The following CNTNAP2 variants were observed in gnomAD, a reference collection of about 807,000 sequenced individuals.
CNTNAP2 encodes the protein contactin associated protein 2, also known as contactin-associated protein-like 2.
A neutral mutation model predicts 155.2 loss-of-function variants in CNTNAP2; 98 were observed. The ratio of observed to expected loss-of-function variants is 0.63; its 90% CI spans 0.54 to 0.75. CNTNAP2 has a LOEUF of 0.75. Among genes scored for constraint, CNTNAP2 ranks in the 30% least tolerant of loss-of-function variants. The pLI is 0.00. For missense variants in CNTNAP2, 1,727 were observed against 1,688.1 expected (o/e 1.02, Z -0.40); for synonymous variants, 651 against 631.2 (o/e 1.03, Z -0.47).
At chr7:146,531,537 T>G (rs1008768092) in intron 1 of CNTNAP2, among the ~76,000 whole-genome samples, 16 of 152,082 alleles carry the variant, frequency 1.1e-4, no homozygotes, top group African/African-American at 3.1e-4. Context: ...ATGCTAATAA[T>G]TTATAGCTTT....
chr7:147,561,267 G>A (rs1800059852), intron 11 of CNTNAP2, among the ~76,000 whole-genome samples: 1 of 152,138 alleles, frequency 6.6e-6, no homozygotes, highest in Non-Finnish European at 1.5e-5. Flanking sequence ...CACTGCTTTT[G>A]TATCAGGTTG....
chr7:148,182,545 A>G (rs779695926), intron 18 of CNTNAP2, among the ~76,000 whole-genome samples: 1 of 152,178 alleles, frequency 6.6e-6, no homozygotes, highest in African/African-American at 2.4e-5. Context: ...GCTACAGGAA[A>G]TTTACTTTCT....
At chr7:148,082,471 C>A (rs116840574) in intron 15 of CNTNAP2, among the ~76,000 whole-genome samples, 1,795 of 151,994 alleles carry the variant, frequency 0.012, 36 homozygotes, top group African/African-American at 0.04. Flanking sequence ...GCATATGAGG[C>A]GAGGCTAGGG....
intron 1 of CNTNAP2, among the ~76,000 whole-genome samples, chr7:146,194,721 A>G (rs1167950545): frequency 1.3e-5 from 2 of 152,240 alleles, no homozygotes; most frequent in African/African-American, 4.8e-5. Flanking sequence ...AAGTTATTTT[A>G]TGCTGCTAAA....
chr7:147,082,026 ATG>A (rs1800142999), intron 4 of CNTNAP2: 3 of 152,128 alleles, frequency 2.0e-5, no homozygotes, highest in Non-Finnish European at 4.4e-5. Flanking sequence ...GCAGTTTAGA[ATG>A]GTCCTTGATC....
At chr7:146,247,868 G>A (rs2116938314) in intron 1 of CNTNAP2, among the ~76,000 whole-genome samples, 1 of 152,254 alleles carries the variant, frequency 6.6e-6, no homozygotes, top group East Asian at 1.9e-4. Flanking sequence ...CCAGAGAAAA[G>A]AGTAGAGACA....
At chr7:146,180,833 G>T (rs1339395001) in intron 1 of CNTNAP2, among the ~76,000 whole-genome samples, 2 of 152,256 alleles carry the variant, frequency 1.3e-5, no homozygotes, top group African/African-American at 2.4e-5. Context: ...TATCACCAAG[G>T]TCAGTAACCA....
intron 9 of CNTNAP2, among the ~76,000 whole-genome samples, chr7:147,367,543 T>C (rs1796255547): frequency 6.6e-6 from 1 of 152,074 alleles, no homozygotes; most frequent in Admixed American, 6.5e-5. Flanking sequence ...CATAATAATA[T>C]TAAATAACAG....
At chr7:147,854,181 A>G (rs967542746) in intron 13 of CNTNAP2, among the ~76,000 whole-genome samples, 1 of 152,144 alleles carries the variant, frequency 6.6e-6, no homozygotes, top group African/African-American at 2.4e-5. Flanking sequence ...CCTCTTTCTG[A>G]GGGAAAGTTG....
At chr7:146,183,488 G>T (rs373957316) in intron 1 of CNTNAP2, among the ~76,000 whole-genome samples, 11 of 151,882 alleles carry the variant, frequency 7.2e-5, no homozygotes, top group African/African-American at 2.7e-4. Flanking sequence ...GATGAAAACT[G>T]GTACCCTCAG....
chr7:147,676,192 G>C (rs1172175173), intron 13 of CNTNAP2, among the ~76,000 whole-genome samples: 1 of 151,866 alleles, frequency 6.6e-6, no homozygotes, highest in Non-Finnish European at 1.5e-5. Flanking sequence ...GACATACGAT[G>C]ACTAATTTTG....
chr7:147,347,094 G>A (rs1795876173), intron 9 of CNTNAP2, among the ~76,000 whole-genome samples: 1 of 151,950 alleles, frequency 6.6e-6, no homozygotes, highest in African/African-American at 2.4e-5. Flanking sequence ...AAGGCACTAG[G>A]GTAAAATTAT....
At chr7:146,133,867 T>C (rs1797756119) in intron 1 of CNTNAP2, among the ~76,000 whole-genome samples, 1 of 152,154 alleles carries the variant, frequency 6.6e-6, no homozygotes, top group Non-Finnish European at 1.5e-5. Context: ...AGCTTTGTTC[T>C]GTTGGCTTAG....
chr7:148,381,926 AC>A, intron 21 of CNTNAP2, among the ~76,000 whole-genome samples: 2 of 152,300 alleles, frequency 1.3e-5, no homozygotes, highest in Middle Eastern at 6.8e-3. Context: ...AGGCACATCA[AC>A]TAGATGTGGA....
intron 1 of CNTNAP2, among the ~76,000 whole-genome samples, chr7:146,184,183 C>T (rs1798590534): frequency 6.6e-6 from 1 of 152,148 alleles, no homozygotes; most frequent in Non-Finnish European, 1.5e-5. Context: ...AACTTAGGTG[C>T]TGTACTGAAC....
At chr7:146,574,213 CA>C (rs1240601255) in intron 1 of CNTNAP2, among the ~76,000 whole-genome samples, 2 of 151,960 alleles carry the variant, frequency 1.3e-5, no homozygotes, top group Non-Finnish European at 2.9e-5. Context: ...CAAAACAAAA[CA>C]AAACAAAAAT....
At chr7:146,356,261 A>G (rs1794996513) in intron 1 of CNTNAP2, among the ~76,000 whole-genome samples, 1 of 152,194 alleles carries the variant, frequency 6.6e-6, no homozygotes, top group South Asian at 2.1e-4. Flanking sequence ...AATTCTAACA[A>G]TCTTTGCATT....
intron 4 of CNTNAP2, among the ~76,000 whole-genome samples, chr7:147,089,901 C>T (rs753185208): frequency 6.6e-6 from 1 of 152,162 alleles, no homozygotes; most frequent in Non-Finnish European, 1.5e-5. Flanking sequence ...GGGGGCAGTG[C>T]CAGAAGCCTC....
chr7:147,088,479 T>C (rs1303940509), intron 4 of CNTNAP2, among the ~76,000 whole-genome samples: 1 of 152,162 alleles, frequency 6.6e-6, no homozygotes, highest in East Asian at 1.9e-4. Flanking sequence ...AAAGCCAGTT[T>C]CTAAATCTTA....
Sources: allele counts gnomAD v4.1 joint callset (sites outside exome capture counted in the v4.1 genomes callset), GRCh38; gene constraint gnomAD v4.1.1; transcripts MANE v1.5; gene names NCBI Gene and HGNC (gene_info 2026-07-23, HGNC 2026-07-21).